The following DOCK3 variants were observed in gnomAD, a reference collection of about 807,000 sequenced individuals.
The protein encoded by DOCK3 is dedicator of cytokinesis protein 3.
DOCK3 carries 60 observed loss-of-function variants against 265.6 expected under a neutral mutation model. The ratio of observed to expected loss-of-function variants is 0.23; its 90% CI spans 0.18 to 0.28. The LOEUF is 0.28. Ranked by LOEUF, DOCK3 falls within the 10% of genes least tolerant of loss-of-function variation. The pLI, the probability that DOCK3 is intolerant of heterozygous loss-of-function variation, is 1.00. For synonymous variants in DOCK3, 881 were observed against 938.0 expected (o/e 0.94, Z 1.11); for missense variants, 1,981 against 2,594.3 (o/e 0.76, Z 5.14).
At chr3:51,322,967 A>G (rs896554748) in intron 32 of DOCK3, among the ~76,000 whole-genome samples, 4 of 116,616 alleles carry the variant, frequency 3.4e-5, no homozygotes, top group Non-Finnish European at 7.4e-5. Flanking sequence ...AAGCAAATGG[A>G]AAGCAAAAAA....
intron 1 of DOCK3, among the ~76,000 whole-genome samples, chr3:50,730,522 G>A (rs953074063): frequency 1.3e-5 from 2 of 152,156 alleles, no homozygotes; most frequent in African/African-American, 4.8e-5. Context: ...TTGATCCAAA[G>A]CCTAAGGAGA....
At chr3:51,258,149 G>A (rs2079650042) in intron 22 of DOCK3, among the ~76,000 whole-genome samples, 1 of 152,154 alleles carries the variant, frequency 6.6e-6, no homozygotes, top group African/African-American at 2.4e-5. Context: ...CCCTGAAACT[G>A]GTGAATGTTT....
intron 3 of DOCK3, among the ~76,000 whole-genome samples, chr3:50,860,736 G>T (rs913918674): frequency 6.6e-6 from 1 of 152,226 alleles, no homozygotes; most frequent in African/African-American, 2.4e-5. Flanking sequence ...ATGGCAGCCT[G>T]CCCCTCCCCC....
At chr3:50,891,624 A>G (rs892062028) in intron 4 of DOCK3, among the ~76,000 whole-genome samples, 36 of 150,148 alleles carry the variant, frequency 2.4e-4, no homozygotes, top group Non-Finnish European at 7.4e-5. Context: ...TGCTAAAAAC[A>G]TTTTCTGAAT....
chr3:51,005,056 A>G (rs2078631572), intron 5 of DOCK3, among the ~76,000 whole-genome samples: 1 of 151,866 alleles, frequency 6.6e-6, no homozygotes, highest in African/African-American at 2.4e-5. Flanking sequence ...TTTAAGAGAA[A>G]ATACTGTTTA....
intron 5 of DOCK3, among the ~76,000 whole-genome samples, chr3:51,010,482 C>G (rs2078901195): frequency 6.6e-6 from 1 of 151,940 alleles, no homozygotes; most frequent in Non-Finnish European, 1.5e-5. Context: ...GTAGATATTC[C>G]TTCATCCCTT....
intron 9 of DOCK3, among the ~76,000 whole-genome samples, chr3:51,096,641 C>G (rs1003843974): frequency 6.6e-6 from 1 of 152,216 alleles, no homozygotes; most frequent in African/African-American, 2.4e-5. Context: ...AAGCCTACTT[C>G]TGTCAATTCA....
intron 7 of DOCK3, among the ~76,000 whole-genome samples, chr3:51,081,023 A>G (rs1196706190): frequency 1.3e-5 from 2 of 151,942 alleles, no homozygotes; most frequent in African/African-American, 4.8e-5. Flanking sequence ...TTTCATATAT[A>G]TCATGGGGAC....
chr3:50,876,021 A>G (rs1387241145), intron 3 of DOCK3, among the ~76,000 whole-genome samples: 3 of 152,156 alleles, frequency 2.0e-5, no homozygotes, highest in African/African-American at 2.4e-5. Flanking sequence ...TTTAAATGCA[A>G]CTGACAAGAG....
At chr3:51,146,710 C>T in intron 10 of DOCK3, 80 bp downstream of exon 10, 1 of 1,323,570 alleles carries the variant, frequency 7.6e-7, no homozygotes, top group Non-Finnish European at 1.1e-6. Flanking sequence ...ACCCTGGAAA[C>T]AAGCATTTAG....
intron 2 of DOCK3, among the ~76,000 whole-genome samples, chr3:50,789,335 G>GA (rs1468549836): frequency 1.3e-5 from 2 of 152,142 alleles, no homozygotes; most frequent in African/African-American, 4.8e-5. Context: ...TGTGATCTGA[G>GA]AGAGTACTTG....
At chr3:50,711,702 G>C (rs1306302508) in intron 1 of DOCK3, among the ~76,000 whole-genome samples, 1 of 152,046 alleles carries the variant, frequency 6.6e-6, no homozygotes, top group Non-Finnish European at 1.5e-5. Flanking sequence ...ATAATTAGTT[G>C]GGAAATGTTC....
intron 23 of DOCK3, among the ~76,000 whole-genome samples, chr3:51,262,453 A>G (rs1398720128): frequency 8.1e-6 from 1 of 122,990 alleles, no homozygotes; most frequent in Non-Finnish European, 1.7e-5. Flanking sequence ...ATCCAGGAAG[A>G]CAAAGAAAAA....
intron 1 of DOCK3, among the ~76,000 whole-genome samples, chr3:50,758,070 C>T (rs1401451712): frequency 3.4e-5 from 5 of 147,550 alleles, no homozygotes; most frequent in Non-Finnish European, 5.9e-5. Context: ...CCCAGCTACT[C>T]GGGAGGCTGA....
intron 5 of DOCK3, among the ~76,000 whole-genome samples, chr3:50,971,517 C>A (rs555313324): frequency 3.3e-5 from 5 of 152,100 alleles, no homozygotes; most frequent in Non-Finnish European, 7.3e-5. Context: ...CAGTCTCACT[C>A]CCTCTTGCGG....
intron 5 of DOCK3, among the ~76,000 whole-genome samples, chr3:50,948,030 TA>T (rs2076480450): frequency 7.6e-6 from 1 of 131,098 alleles, no homozygotes; most frequent in Non-Finnish European, 1.6e-5. Context: ...TAATTATTAT[TA>T]TTATTATTAT....
chr3:50,902,104 C>T, intron 4 of DOCK3, among the ~76,000 whole-genome samples: 1 of 151,704 alleles, frequency 6.6e-6, no homozygotes, highest in East Asian at 1.9e-4. Context: ...TGTTTAAGTT[C>T]CTTGTAGATT....
intron 46 of DOCK3, among the ~76,000 whole-genome samples, chr3:51,358,528 A>G (rs139073599): frequency 9.3e-4 from 140 of 151,166 alleles, no homozygotes; most frequent in Non-Finnish European, 1.7e-3. Flanking sequence ...CCTCCCTCTA[A>G]TCGTTCTCTT....
At chr3:51,379,467 G>C (rs893600302) in intron 51 of DOCK3, 88 of 985,338 alleles carry the variant, frequency 8.9e-5, no homozygotes, top group Non-Finnish European at 1.1e-4. Context: ...GCAGCCCCCA[G>C]CAGCTGGAGT....
Sources: gnomAD v4.1 joint callset for allele counts (sites outside exome capture counted in the v4.1 genomes callset) on GRCh38, gnomAD v4.1.1 for gene constraint, MANE v1.5 for transcripts, NCBI Gene and HGNC (gene_info 2026-07-23, HGNC 2026-07-21) for gene names.